Variants in MCCC2 observed in about 807,000 individuals in gnomAD.
The protein encoded by MCCC2 is methylcrotonoyl-CoA carboxylase beta chain, mitochondrial.
MCCC2 carries 52 observed loss-of-function variants against 77.2 expected under a neutral mutation model. The ratio of observed to expected loss-of-function variants is 0.67; its 90% CI spans 0.54 to 0.85. The LOEUF (loss-of-function observed/expected upper bound fraction) is 0.85, where lower values mean the gene tolerates loss of function less well. Among genes scored for constraint, MCCC2 ranks in the 40% least tolerant of loss-of-function variants. The pLI is 0.00. For synonymous variants in MCCC2, 253 were observed against 248.4 expected (o/e 1.02, Z -0.18); for missense variants, 682 against 703.2 (o/e 0.97, Z 0.34).
At chr5:71,598,067 G>A (rs1580275519) in intron 3 of MCCC2, among the ~76,000 whole-genome samples, 2 of 142,786 alleles carry the variant, frequency 1.4e-5, no homozygotes, top group Middle Eastern at 7.4e-3. Context: ...ATGAGTGAGT[G>A]TTTCTTTTTT....
At chr5:71,636,950 G>A (rs1403378779) in intron 10 of MCCC2, among the ~76,000 whole-genome samples, 3 of 151,744 alleles carry the variant, frequency 2.0e-5, no homozygotes, top group African/African-American at 4.8e-5. Flanking sequence ...CACCATGTTG[G>A]TCTGGCTTTT....
At position 71,634,984 on chromosome 5, in the gene MCCC2, A is replaced by G; in HGVS notation, c.845A>G (p.His282Arg). The G allele has an allele frequency of 1.9e-6, 3 of 1,614,164 alleles. No individual in the cohort carries two copies. The highest frequency in any genetic ancestry group is 2.5e-6 in the Non-Finnish European group (3 of 1,180,030). Residue 282 changes from histidine to arginine, a missense_variant, in exon 9 of 17, where the codon CAT (histidine) becomes CGT (arginine). By Grantham distance (29) the His-to-Arg change is conservative. Coordinates refer to ENST00000340941, the MANE Select transcript of MCCC2 (RefSeq NM_022132.5). ...VSDHWALDDHHALHLTRKVVR... is the reference protein window; with the variant it reads ...VSDHWALDDHRALHLTRKVVR... ...GACCACTGGGCTTTGGATGATCATCATGCCCTTCACTTAACTAGGAAGGTT... is the reference window on the plus strand; with the variant it reads ...GACCACTGGGCTTTGGATGATCATCGTGCCCTTCACTTAACTAGGAAGGTT...
At chr5:71,628,917 A>T (rs929424165) in intron 7 of MCCC2, among the ~76,000 whole-genome samples, 2 of 152,090 alleles carry the variant, frequency 1.3e-5, no homozygotes, top group Non-Finnish European at 2.9e-5. Context: ...GATTTTTTTG[A>T]CCCTGAGACT....
intron 6 of MCCC2, among the ~76,000 whole-genome samples, chr5:71,615,261 G>T (rs1746124423): frequency 6.6e-6 from 1 of 152,098 alleles, no homozygotes; most frequent in African/African-American, 2.4e-5. Context: ...GAGCCACCGC[G>T]CCCAGCCAAC....
intron 6 of MCCC2, among the ~76,000 whole-genome samples, chr5:71,612,588 C>A (rs1270363967): frequency 6.6e-6 from 1 of 152,106 alleles, no homozygotes; most frequent in Non-Finnish European, 1.5e-5. Flanking sequence ...AAATTCTTGG[C>A]CTCAAGGATC....
At chr5:71,603,037 A>C (rs1230418881) in intron 5 of MCCC2, 1 of 168,474 alleles carries the variant, frequency 5.9e-6, no homozygotes, top group Non-Finnish European at 1.3e-5. Context: ...ATTTAAAGTA[A>C]ATTTAATTTC....
intron 10 of MCCC2, chr5:71,635,978 A>G (rs760795748): frequency 1.5e-4 from 26 of 170,550 alleles, no homozygotes; most frequent in Middle Eastern, 2.8e-3. Context: ...GAAGGTGGCT[A>G]ATATTTGGAT....
intron 7 of MCCC2, among the ~76,000 whole-genome samples, chr5:71,626,956 G>A (rs1013648859): frequency 1.3e-5 from 2 of 151,886 alleles, no homozygotes; most frequent in Non-Finnish European, 2.9e-5. Context: ...CATCTATCTC[G>A]AGAACATTTT....
chr5:71,610,379 G>A (rs968957926), intron 6 of MCCC2, among the ~76,000 whole-genome samples: 1 of 152,194 alleles, frequency 6.6e-6, no homozygotes, highest in Admixed American at 6.5e-5. Context: ...GGAACTCCCT[G>A]ACCCCTTGCG....
chr5:71,617,069 G>A (rs1746178269), intron 6 of MCCC2, among the ~76,000 whole-genome samples: 1 of 152,158 alleles, frequency 6.6e-6, no homozygotes, highest in East Asian at 1.9e-4. Context: ...TTCTTAGCCC[G>A]ATACTTAAGC....
rs144682415 is a variant in MCCC2 at position 71,588,078 on chromosome 5, G to T, written c.129+524G>T. ...GAGATCAGGAGTTCGAGAACAGCCT[G>T]GCCAACGTGGTGAAACCCCATCTCT... On this transcript the variant is annotated intron_variant, in intron 1 of 16. Transcript: ENST00000340941. Among the ~76,000 whole-genome samples, 210 of 152,256 alleles carry T rather than the reference G, an allele frequency of 1.4e-3. 6 individuals carry two copies. The East Asian group carries it at 0.037, about 27-fold the overall frequency.
chr5:71,604,365 G>C lies in MCCC2; in HGVS notation c.521G>C (p.Gly174Ala), dbSNP rs372017922. The change falls in exon 6 of 17, where the codon GGA (glycine) becomes GCA (alanine). Residue 174 changes from glycine to alanine, a missense_variant. By Grantham distance (60) the Gly-to-Ala change is moderately conservative. Coordinates refer to ENST00000340941, the MANE Select transcript of MCCC2 (RefSeq NM_022132.5). ...CATTTCTTGTCTTCAGTTGATTCGG[G>C]AGGAGCATACTTACCTCGACAAGCA... ...RLPCIYLVDS[G>A]GAYLPRQADV... 7.4e-6 allele frequency: 12 copies of C among 1,613,874 alleles called. No individual in the cohort carries two copies. Among genetic ancestry groups the C allele is most frequent in the African/African-American group, 1.3e-5 (1 of 74,914 alleles).
At chr5:71,645,881 A>G (rs377281847) in intron 12 of MCCC2, among the ~76,000 whole-genome samples, 6 of 152,260 alleles carry the variant, frequency 3.9e-5, no homozygotes, top group Non-Finnish European at 4.4e-5. Flanking sequence ...TACTCTTTCT[A>G]TAAGGTAAGA....
chr5:71,590,158 T>TC (rs1459443102), intron 1 of MCCC2, among the ~76,000 whole-genome samples: 1 of 152,002 alleles, frequency 6.6e-6, no homozygotes, highest in Non-Finnish European at 1.5e-5. Context: ...TCCTGAGAGA[T>TC]CAAGATTTGC....
At chr5:71,588,179 G>A (rs1475655566) in intron 1 of MCCC2, among the ~76,000 whole-genome samples, 2 of 151,708 alleles carry the variant, frequency 1.3e-5, no homozygotes, top group African/African-American at 2.4e-5. Context: ...TGAGGCAGGG[G>A]AATCGCTTGA....
At chr5:71,598,522 C>A (rs1745283337) in intron 3 of MCCC2, among the ~76,000 whole-genome samples, 2 of 151,988 alleles carry the variant, frequency 1.3e-5, no homozygotes, top group Admixed American at 1.3e-4. Context: ...TCACTGAAAC[C>A]TCTGCCTTCC....
chr5:71,606,489 G>C (rs2112338187), intron 6 of MCCC2, among the ~76,000 whole-genome samples: 1 of 146,656 alleles, frequency 6.8e-6, no homozygotes, highest in South Asian at 2.2e-4. Context: ...AGACAATGGG[G>C]TTTTCTAGAT....
At chr5:71,607,550 G>T (rs1745735359) in intron 6 of MCCC2, among the ~76,000 whole-genome samples, 1 of 145,486 alleles carries the variant, frequency 6.9e-6, no homozygotes, top group Non-Finnish European at 1.5e-5. Flanking sequence ...TTAATTTTTT[G>T]AAGGGTTTTT....
chr5:71,592,889 A>G (rs1426611721), intron 1 of MCCC2, 37 bp from the exon 2 acceptor site: 2 of 1,452,346 alleles, frequency 1.4e-6, no homozygotes, highest in South Asian at 1.2e-5. Flanking sequence ...TTGCTTTCTA[A>G]TATTTCTCTC....
Sources: gnomAD v4.1 joint callset for allele counts (sites outside exome capture counted in the v4.1 genomes callset) on GRCh38, gnomAD v4.1.1 for gene constraint, MANE v1.5 for transcripts, NCBI Gene and HGNC (gene_info 2026-07-23, HGNC 2026-07-21) for gene names.